Variants in DLGAP2 observed in about 807,000 individuals in gnomAD.
The protein encoded by DLGAP2 is disks large-associated protein 2.
A neutral mutation model predicts 100.3 loss-of-function variants in DLGAP2; 26 were observed. The observed-to-expected ratio is 0.26, with a 90% CI of 0.19 to 0.36. The LOEUF (loss-of-function observed/expected upper bound fraction) is 0.36, where lower values mean the gene tolerates loss of function less well. Among genes scored for constraint, DLGAP2 ranks in the 10% least tolerant of loss-of-function variants. The pLI, the probability that DLGAP2 is intolerant of heterozygous loss-of-function variation, is 1.00. For missense variants in DLGAP2, 1,858 were observed against 1,453.2 expected, an observed-to-expected ratio of 1.28 and a Z score of -4.53; for synonymous variants, 886 against 630.1, an observed-to-expected ratio of 1.41 and a Z score of -6.08.
chr8:1,498,695 T>C (rs1799620279), intron 3 of DLGAP2, among the ~76,000 whole-genome samples: 1 of 152,200 alleles, frequency 6.6e-6, no homozygotes, highest in Non-Finnish European at 1.5e-5. Context: ...AACAATCTAC[T>C]TTAATAAAAC....
intron 6 of DLGAP2, among the ~76,000 whole-genome samples, chr8:1,590,350 A>G (rs1796254829): frequency 6.6e-6 from 1 of 152,030 alleles, no homozygotes; most frequent in Admixed American, 6.5e-5. Flanking sequence ...ATAAAATGGC[A>G]CCCCTCTATC....
At position 1,552,377 on chromosome 8, in the gene DLGAP2, G is replaced by A. The variant is rs532719109; in HGVS notation, c.1230+2694G>A. On this transcript the variant is annotated intron_variant, in intron 5 of 14. Coordinates refer to ENST00000637795, the MANE Select transcript of DLGAP2 (RefSeq NM_001346810.2). ...ACCTCTTCGGGGCATGCAGCTCGGT[G>A]ACTTCTCTCCCCTCCTCACTGTCCC... Among the ~76,000 whole-genome samples, 14 of 152,318 alleles carry A rather than the reference G, an allele frequency of 9.2e-5. 2 individuals carry two copies. The South Asian group carries it at 2.9e-3, about 32-fold the overall frequency.
At chr8:838,151 C>T (rs1020669585) in intron 1 of DLGAP2, among the ~76,000 whole-genome samples, 1 of 152,166 alleles carries the variant, frequency 6.6e-6, no homozygotes, top group South Asian at 2.1e-4. Flanking sequence ...ATGTCCTAAA[C>T]ATACTTTACA....
At chr8:1,430,961 C>T (rs7827546) in intron 3 of DLGAP2, among the ~76,000 whole-genome samples, 36,297 of 152,120 alleles carry the variant, frequency 0.24, 4,477 homozygotes, top group Middle Eastern at 0.31. Flanking sequence ...CAAGTCATTA[C>T]CTTCTCTTTT....
chr8:1,380,003 C>T (rs1451658710), intron 3 of DLGAP2, among the ~76,000 whole-genome samples: 1 of 152,086 alleles, frequency 6.6e-6, no homozygotes, highest in African/African-American at 2.4e-5. Flanking sequence ...CTCTTCTGAG[C>T]CCGGCTCCAT....
At chr8:1,591,757 C>T (rs1224037723) in intron 6 of DLGAP2, among the ~76,000 whole-genome samples, 1 of 152,204 alleles carries the variant, frequency 6.6e-6, no homozygotes, top group South Asian at 2.1e-4. Flanking sequence ...CAACTGCATC[C>T]TGGATCTCCA....
At chr8:1,433,312 A>C (rs985829699) in intron 3 of DLGAP2, among the ~76,000 whole-genome samples, 1 of 152,246 alleles carries the variant, frequency 6.6e-6, no homozygotes, top group African/African-American at 2.4e-5. Context: ...GTACTGGTCC[A>C]GCTGTGGCCG....
intron 1 of DLGAP2, 187 bp downstream of exon 1, chr8:738,012 G>C: frequency 3.2e-6 from 1 of 316,434 alleles, no homozygotes; most frequent in South Asian, 1.6e-4. Context: ...GCCTGTGCTC[G>C]GGGGTCGCGC....
intron 3 of DLGAP2, among the ~76,000 whole-genome samples, chr8:1,429,200 G>A (rs137996239): frequency 6.6e-6 from 1 of 152,276 alleles, no homozygotes; most frequent in East Asian, 1.9e-4. Context: ...CTACTTAGAG[G>A]TCAGTTGGCA....
chr8:1,700,312 T>C (rs1485043699), intron 14 of DLGAP2, among the ~76,000 whole-genome samples: 1 of 152,230 alleles, frequency 6.6e-6, no homozygotes, highest in African/African-American at 2.4e-5. Context: ...CCTTCTGCCG[T>C]GTGCCCTTTC....
chr8:1,381,765 A>C (rs944217364), intron 3 of DLGAP2, among the ~76,000 whole-genome samples: 1 of 143,274 alleles, frequency 7.0e-6, no homozygotes, highest in Non-Finnish European at 1.5e-5. Flanking sequence ...TTCCTTAGTA[A>C]ATCTGAGGGT....
At chr8:786,872 T>C (rs1209772783) in intron 1 of DLGAP2, among the ~76,000 whole-genome samples, 1 of 151,718 alleles carries the variant, frequency 6.6e-6, no homozygotes, top group East Asian at 1.9e-4. Context: ...GGTTACCTGG[T>C]GATTTGAAAG....
At chr8:748,483 C>T (rs1253985632) in intron 1 of DLGAP2, among the ~76,000 whole-genome samples, 1 of 152,084 alleles carries the variant, frequency 6.6e-6, no homozygotes, top group Non-Finnish European at 1.5e-5. Context: ...CAGCATATCC[C>T]ACACTGTGAC....
chr8:1,050,450 C>G (rs2129032768), intron 2 of DLGAP2, among the ~76,000 whole-genome samples: 1 of 152,304 alleles, frequency 6.6e-6, no homozygotes. Context: ...TGTGCACATT[C>G]ACGCTGGGCA....
At chr8:1,299,910 A>C in intron 3 of DLGAP2, 1 of 152,126 alleles carries the variant, frequency 6.6e-6, no homozygotes, top group East Asian at 1.9e-4. Context: ...AAGCAACATA[A>C]ATTAATTTTC....
intron 1 of DLGAP2, among the ~76,000 whole-genome samples, chr8:797,147 C>A (rs1307148846): frequency 6.6e-6 from 1 of 152,118 alleles, no homozygotes; most frequent in African/African-American, 2.4e-5. Flanking sequence ...TGAACACGAC[C>A]CTGTAGTCAC....
chr8:1,157,907 A>T (rs1193192108), intron 2 of DLGAP2, among the ~76,000 whole-genome samples: 1 of 152,154 alleles, frequency 6.6e-6, no homozygotes, highest in Non-Finnish European at 1.5e-5. Flanking sequence ...TCTTCTGGGC[A>T]CCTTGTGTAC....
intron 1 of DLGAP2, among the ~76,000 whole-genome samples, chr8:764,002 C>A (rs949212491): frequency 6.6e-5 from 10 of 152,148 alleles, no homozygotes; most frequent in Non-Finnish European, 1.2e-4. Flanking sequence ...TGGAAATTTT[C>A]ATTTTTAAGA....
chr8:758,883 T>C (rs1820986685), intron 1 of DLGAP2, among the ~76,000 whole-genome samples: 1 of 152,010 alleles, frequency 6.6e-6, no homozygotes, highest in African/African-American at 2.4e-5. Context: ...CAAAGAGTTT[T>C]AGATACACAG....
Sources: allele counts gnomAD v4.1 joint callset (sites outside exome capture counted in the v4.1 genomes callset), GRCh38; gene constraint gnomAD v4.1.1; transcripts MANE v1.5; gene names NCBI Gene and HGNC (gene_info 2026-07-23, HGNC 2026-07-21).